RET: variants seen among roughly 807,000 people sequenced by gnomAD.
The protein encoded by RET is ret proto-oncogene.
A neutral mutation model predicts 118.3 loss-of-function variants in RET; 19 were observed. That is an observed-to-expected ratio of 0.16 (90% CI 0.11 to 0.24). RET has a LOEUF of 0.24. Among genes scored for constraint, RET ranks in the 10% least tolerant of loss-of-function variants. The probability of loss-of-function intolerance (pLI) is 1.00; values close to 1 mark genes in which losing one functional copy is unlikely to be tolerated. For synonymous variants in RET, 597 were observed against 644.1 expected (o/e 0.93, Z 1.11); for missense variants, 1,219 against 1,502.1 (o/e 0.81, Z 3.12).
At chr10:43,107,547 A>G (rs1180146320) in intron 5 of RET, among the ~76,000 whole-genome samples, 1 of 125,340 alleles carries the variant, frequency 8.0e-6, no homozygotes, top group Non-Finnish European at 1.6e-5. Flanking sequence ...TAGACCTTTA[A>G]CCCCCCATGC....
intron 1 of RET, among the ~76,000 whole-genome samples, chr10:43,079,363 A>G (rs1412376941): frequency 6.6e-6 from 1 of 152,216 alleles, no homozygotes; most frequent in Non-Finnish European, 1.5e-5. Flanking sequence ...ATATAGGGAC[A>G]CACACTCCTC....
At chr10:43,103,569 G>A (rs774723027) in intron 3 of RET, among the ~76,000 whole-genome samples, 4 of 152,134 alleles carry the variant, frequency 2.6e-5, no homozygotes, top group East Asian at 1.9e-4. Flanking sequence ...AGGCTGCACC[G>A]CTGGCAAGTG....
chr10:43,121,234 A>C (rs1284511052), intron 15 of RET, among the ~76,000 whole-genome samples: 1 of 152,234 alleles, frequency 6.6e-6, no homozygotes, highest in Non-Finnish European at 1.5e-5. Context: ...CTGCCAAGAC[A>C]GCCACACTGC....
At chr10:43,107,884 T>C (rs1011599449) in intron 5 of RET, among the ~76,000 whole-genome samples, 1 of 152,180 alleles carries the variant, frequency 6.6e-6, no homozygotes, top group Non-Finnish European at 1.5e-5. Context: ...GATGCAGAGA[T>C]TCTTTAATTT....
chr10:43,120,333 C>T, intron 15 of RET, 130 bp downstream of exon 15: 4 of 1,317,238 alleles, frequency 3.0e-6, no homozygotes, highest in East Asian at 2.5e-5. Context: ...TAGCCCTCAC[C>T]CCAAATCTTT....
rs764616982 is a variant in RET at position 43,112,125 on chromosome 10, C to A, written c.1549C>A (p.Leu517Met). 6.2e-7 allele frequency: 1 copy of A among 1,601,550 alleles called. No homozygotes were observed. Among genetic ancestry groups the A allele is most frequent in the Non-Finnish European group, 8.5e-7 (1 of 1,174,152 alleles). The change falls in exon 8 of 20, where the codon CTG (leucine) becomes ATG (methionine). Residue 517 changes from leucine (L) to methionine (M), a missense_variant. Physicochemically the swap from Leu to Met is conservative, Grantham distance 15. Transcript: ENST00000355710. ...TGTGGCCGAGGAGGCGGGCTGCCCC[C>A]TGTCCTGTGCAGTCAGCAAGAGACG... ...SYVAEEAGCPLSCAVSKRRLE... is the reference protein window; with the variant it reads ...SYVAEEAGCPMSCAVSKRRLE...
chr10:43,103,084 G>A (rs1353930572), intron 3 of RET, among the ~76,000 whole-genome samples: 3 of 152,228 alleles, frequency 2.0e-5, no homozygotes, highest in African/African-American at 7.2e-5. Context: ...GGGCACCACA[G>A]TGTGACCCTC....
chr10:43,127,525 CATT>C, intron 19 of RET: 2 of 986,278 alleles, frequency 2.0e-6, no homozygotes, highest in Non-Finnish European at 2.4e-6. Flanking sequence ...CTAACTTCAT[CATT>C]GATTGTTTGA....
chr10:43,105,334 G>A (rs1339414026), intron 4 of RET, 141 bp downstream of exon 4: 3 of 1,330,280 alleles, frequency 2.3e-6, no homozygotes, highest in Non-Finnish European at 3.1e-6. Context: ...CTCCGTCTGC[G>A]CCGTCTGTCC....
chr10:43,123,461 T>C (rs1341717293), intron 16 of RET, among the ~76,000 whole-genome samples: 1 of 152,204 alleles, frequency 6.6e-6, no homozygotes, highest in African/African-American at 2.4e-5. Context: ...TTCAGCTTCA[T>C]GGAGTAGGGG....
intron 1 of RET, among the ~76,000 whole-genome samples, chr10:43,094,776 C>G (rs1020724256): frequency 1.3e-5 from 2 of 152,168 alleles, no homozygotes; most frequent in Non-Finnish European, 2.9e-5. Context: ...CCAGTATGAG[C>G]AAATACATGT....
intron 15 of RET, among the ~76,000 whole-genome samples, chr10:43,121,500 C>A (rs1398576036): frequency 2.0e-5 from 3 of 152,176 alleles, no homozygotes; most frequent in Admixed American, 6.5e-5. Context: ...ACAGCCTCCC[C>A]CAAGGCACAC....
intron 5 of RET, among the ~76,000 whole-genome samples, chr10:43,107,448 G>A (rs990256654): frequency 6.6e-6 from 1 of 152,058 alleles, no homozygotes; most frequent in Non-Finnish European, 1.5e-5. Flanking sequence ...GGGTCTGCTG[G>A]AGGTTCCTGC....
chr10:43,120,787 G>A (rs745667946), intron 15 of RET, among the ~76,000 whole-genome samples: 58 of 152,142 alleles, frequency 3.8e-4, no homozygotes, highest in Non-Finnish European at 5.6e-4. Context: ...TCCTAGTCCC[G>A]GGACAACTGC....
intron 1 of RET, among the ~76,000 whole-genome samples, chr10:43,091,773 T>A (rs1837415892): frequency 7.6e-6 from 1 of 132,250 alleles, no homozygotes; most frequent in Non-Finnish European, 1.6e-5. Flanking sequence ...GAAATACAAA[T>A]CAAAATCACC....
chr10:43,077,858 A>G (rs1206474455), intron 1 of RET, among the ~76,000 whole-genome samples: 4 of 152,128 alleles, frequency 2.6e-5, no homozygotes, highest in African/African-American at 9.7e-5. Context: ...TTTTGAAAAG[A>G]TTGCTTTTCC....
intron 1 of RET, among the ~76,000 whole-genome samples, chr10:43,092,073 G>A (rs1837423250): frequency 1.3e-5 from 2 of 152,204 alleles, no homozygotes; most frequent in Admixed American, 1.3e-4. Flanking sequence ...TAACCACAAA[G>A]AGGAAGTTAC....
chr10:43,126,626 G>A lies in RET; in HGVS notation c.3091G>A (p.Asp1031Asn), dbSNP rs200989078. The A allele has an allele frequency of 2.5e-6, 4 of 1,614,028 alleles. No homozygotes were observed. The highest frequency in any genetic ancestry group is 2.2e-5 in the East Asian group (1 of 44,872). ...STPSDSLIYDDGLSEEETPLV... is the reference protein window; with the variant it reads ...STPSDSLIYDNGLSEEETPLV... The stretch of plus-strand genomic sequence containing the variant: ...TCCATCTGACTCCCTGATTTATGAC[G>A]ACGGCCTCTCAGAGGAGGAGACACC... The change falls in exon 19 of 20, where the codon GAC becomes AAC. Residue 1031 changes from aspartate (D) to asparagine (N), a missense_variant. Around this residue, in one of 5 missense-constraint regions of RET, gnomAD observed 174 missense variants for 179.3 expected, o/e 0.97. Coordinates refer to ENST00000355710, the MANE Select transcript of RET (RefSeq NM_020975.6).
intron 1 of RET, among the ~76,000 whole-genome samples, chr10:43,097,479 A>G (rs973053570): frequency 2.0e-5 from 3 of 148,796 alleles, no homozygotes; most frequent in Admixed American, 6.6e-5. Context: ...TCTCTGGGGT[A>G]AGAACATGGA....
Sources: gnomAD v4.1 joint callset for allele counts (sites outside exome capture counted in the v4.1 genomes callset) on GRCh38, gnomAD v4.1.1 for gene constraint, gnomAD v4.1.1 regional missense constraint, MANE v1.5 for transcripts, NCBI Gene and HGNC (gene_info 2026-07-23, HGNC 2026-07-21) for gene names.